The following HECTD4 variants were observed in gnomAD, a reference collection of about 807,000 sequenced individuals.
HECTD4 encodes probable E3 ubiquitin-protein ligase HECTD4.
A neutral mutation model predicts 471.5 loss-of-function variants in HECTD4; 114 were observed. The observed-to-expected ratio is 0.24, with a 90% CI of 0.21 to 0.28. HECTD4 has a LOEUF of 0.28. Ranked by LOEUF, HECTD4 falls within the 10% of genes least tolerant of loss-of-function variation. The pLI is 1.00. For missense variants in HECTD4, 3,866 were observed against 5,651.5 expected (o/e 0.68, Z 10.13); for synonymous variants, 2,012 against 2,256.0 (o/e 0.89, Z 3.07).
chr12:112,229,610 T>G (rs1292510237), intron 41 of HECTD4, 88 bp downstream of exon 41: 1 of 1,320,542 alleles, frequency 7.6e-7, no homozygotes, highest in Non-Finnish European at 1.0e-6. Flanking sequence ...GCTGGTTGGA[T>G]AATACTTGTC....
chr12:112,252,694 C>A (rs867247747), intron 22 of HECTD4, 166 bp from the exon 23 acceptor site: 3 of 805,248 alleles, frequency 3.7e-6, no homozygotes, highest in African/African-American at 3.5e-5. Context: ...ATTTAGACAA[C>A]CAGTCCTTTA....
intron 9 of HECTD4, 74 bp from the exon 10 acceptor site, chr12:112,275,034 A>G: frequency 3.3e-6 from 3 of 902,234 alleles, no homozygotes; most frequent in Non-Finnish European, 5.1e-6. Flanking sequence ...GGCTTTTAAC[A>G]AGACTTTTAT....
intron 1 of HECTD4, among the ~76,000 whole-genome samples, chr12:112,344,122 A>C (rs1463404956): frequency 6.6e-6 from 1 of 152,210 alleles, no homozygotes; most frequent in African/African-American, 2.4e-5. Context: ...CTCTCTCCAC[A>C]AGGCTTCCTA....
chr12:112,308,117 C>T (rs1233656947), intron 6 of HECTD4, among the ~76,000 whole-genome samples: 1 of 152,184 alleles, frequency 6.6e-6, no homozygotes, highest in African/African-American at 2.4e-5. Flanking sequence ...ATGGTAGTTA[C>T]CATCATTGTT....
rs762242239 is a variant in HECTD4 at position 112,243,972 on chromosome 12, G to C, written c.4551C>G (p.His1517Gln). 3.1e-6 allele frequency: 5 copies of C among 1,613,970 alleles called. No individual in the cohort carries two copies. The highest frequency in any genetic ancestry group is 3.3e-5 in the Admixed American group (2 of 60,014). Residue 1517 changes from histidine (H) to glutamine (Q), a missense_variant, in exon 30 of 76, where the codon CAC becomes CAG. Around this residue, in one of 16 missense-constraint regions of HECTD4, gnomAD observed 49 missense variants for 43.6 expected, o/e 1.12. Coordinates refer to ENST00000682272, the MANE Select transcript of HECTD4 (RefSeq NM_001388303.1). This position sits in a 1 kb window ranked among gnomAD's most constrained non-coding sequence, Gnocchi z 6.6. ...KSASETKVIS[H>Q]AVRQPVFLRS... Reference sequence around the variant, plus strand: ...GAAGAAAAACAGGCTGCCTGACAGCGTGAGATATCACTTTTGTTTCAGAAG... The same window carrying C: ...GAAGAAAAACAGGCTGCCTGACAGCCTGAGATATCACTTTTGTTTCAGAAG...
chr12:112,234,449 T>G (rs1300427910), intron 37 of HECTD4, among the ~76,000 whole-genome samples: 1 of 152,164 alleles, frequency 6.6e-6, no homozygotes, highest in East Asian at 1.9e-4. Flanking sequence ...GTCAGATCAT[T>G]TAAGTAAAGA....
At chr12:112,242,242 TA>T (rs1330135548) in intron 32 of HECTD4, among the ~76,000 whole-genome samples, 1 of 152,148 alleles carries the variant, frequency 6.6e-6, no homozygotes, top group East Asian at 1.9e-4. Flanking sequence ...CAAATGAACC[TA>T]TGTGTCCGTC....
At chr12:112,317,782 C>T (rs2035507847) in intron 2 of HECTD4, among the ~76,000 whole-genome samples, 1 of 151,802 alleles carries the variant, frequency 6.6e-6, no homozygotes, top group Admixed American at 6.6e-5. Flanking sequence ...AGTTTGAGAC[C>T]AGCCTGGGCA....
chr12:112,377,870 CAAAA>C (rs1332139664), intron 1 of HECTD4, among the ~76,000 whole-genome samples: 1 of 150,990 alleles, frequency 6.6e-6, no homozygotes, highest in Non-Finnish European at 1.5e-5. Context: ...AACTCGGTCT[CAAAA>C]AAGAAAGAAA....
chr12:112,340,051 AAAAAG>A (rs2036028596), intron 1 of HECTD4, among the ~76,000 whole-genome samples: 1 of 152,214 alleles, frequency 6.6e-6, no homozygotes, highest in African/African-American at 2.4e-5. Context: ...TCAAAAAAAA[AAAAAG>A]AAAAGAAAAC....
intron 71 of HECTD4, 25 bp downstream of exon 71, chr12:112,167,789 G>A: frequency 6.3e-6 from 10 of 1,593,768 alleles, no homozygotes; most frequent in Admixed American, 1.7e-5. Flanking sequence ...CGGGGGCGTG[G>A]AGCCTCCTCC....
chr12:112,277,932 A>G (rs1197255039), intron 9 of HECTD4, among the ~76,000 whole-genome samples: 2 of 152,198 alleles, frequency 1.3e-5, no homozygotes, highest in Non-Finnish European at 2.9e-5. Context: ...TAAAAGAAAC[A>G]AGATTTTTAC....
intron 1 of HECTD4, among the ~76,000 whole-genome samples, chr12:112,333,211 T>C (rs543475601): frequency 1.3e-5 from 2 of 152,312 alleles, no homozygotes; most frequent in South Asian, 2.1e-4. Context: ...CTTGTGTAAA[T>C]ATCTAAAAAT....
chr12:112,169,749 G>GCCTGTC, intron 69 of HECTD4, 91 bp from the exon 70 acceptor site: 1 of 1,474,010 alleles, frequency 6.8e-7, no homozygotes, highest in East Asian at 2.3e-5. Context: ...GCAGGCCTGT[G>GCCTGTC]CCTGTCCCTG....
At position 112,319,398 on chromosome 12, in the gene HECTD4, G is replaced by T; in HGVS notation, c.522C>A (p.Asn174Lys). 15 of 1,536,142 alleles carry T rather than the reference G, an allele frequency of 9.8e-6. No individual in the cohort carries two copies. The highest frequency in any genetic ancestry group is 1.3e-5 in the Non-Finnish European group (15 of 1,146,904). The change falls in exon 2 of 76, where the codon AAC (asparagine) becomes AAA (lysine). Residue 174 changes from asparagine (N) to lysine (K), a missense_variant. Around this residue, in one of 16 missense-constraint regions of HECTD4, gnomAD observed 440 missense variants for 636.0 expected, o/e 0.69. Coordinates refer to ENST00000682272, the MANE Select transcript of HECTD4 (RefSeq NM_001388303.1). The surrounding 1 kb of genome is among the most constrained non-coding windows in gnomAD (Gnocchi z 5.3). ...TCAAAGGCTGGCAGTCACGAAGGCAGTTCAATAGCACCTCAGCAGTTATGT... is the reference window on the plus strand; with the variant it reads ...TCAAAGGCTGGCAGTCACGAAGGCATTTCAATAGCACCTCAGCAGTTATGT... The part of the protein sequence containing the change: ...LCNITAEVLL[N>K]CLRDCQPLSL...
In HECTD4 at chr12:112,274,834, G is replaced by C. The variant is rs748620775; in HGVS notation, c.1801+13C>G. On this transcript the variant is annotated intron_variant, in intron 10 of 75. Transcript: ENST00000682272. ...TGAAATTTTCCAAAGATATGTGCAA[G>C]TTTATTTCTTACCCAATCCTGGTAC... The C allele has an allele frequency of 6.7e-7, 1 of 1,501,394 alleles. No individual in the cohort carries two copies. The highest frequency in any genetic ancestry group is 1.4e-5 in the African/African-American group (1 of 72,172). 93.0% of individuals were successfully genotyped at this position (1,501,394 alleles called of 1,614,324 possible).
At chr12:112,310,016 G>T (rs1185570842) in intron 4 of HECTD4, among the ~76,000 whole-genome samples, 1 of 152,132 alleles carries the variant, frequency 6.6e-6, no homozygotes, top group African/African-American at 2.4e-5. Flanking sequence ...AATTTGAAAT[G>T]ACTAAGAATA....
At chr12:112,237,171 C>T (rs1043066197) in intron 34 of HECTD4, 73 bp from the exon 35 acceptor site, 46 of 1,348,894 alleles carry the variant, frequency 3.4e-5, no homozygotes, top group Middle Eastern at 2.1e-4. Flanking sequence ...GAGGGGGCGG[C>T]GAGCCCTGTC....
chr12:112,267,874 G>T (rs1740762239), intron 13 of HECTD4, among the ~76,000 whole-genome samples: 1 of 152,168 alleles, frequency 6.6e-6, no homozygotes, highest in Non-Finnish European at 1.5e-5. Context: ...TGCATGGAGT[G>T]CAGTGGTGTG....
Sources: gnomAD v4.1 joint callset for allele counts (sites outside exome capture counted in the v4.1 genomes callset) on GRCh38, gnomAD v4.1.1 for gene constraint, gnomAD v4.1.1 regional missense constraint, Gnocchi (gnomAD v3.1) non-coding constraint, MANE v1.5 for transcripts, NCBI Gene and HGNC (gene_info 2026-07-23, HGNC 2026-07-21) for gene names.